CCSER2: variants seen among roughly 807,000 people sequenced by gnomAD.
The protein encoded by CCSER2 is serine-rich coiled-coil domain-containing protein 2.
In CCSER2, 46 loss-of-function variants were observed where a neutral mutation model predicts 92.3. The observed-to-expected ratio is 0.50, with a 90% confidence interval of 0.39 to 0.64. The LOEUF (loss-of-function observed/expected upper bound fraction) is 0.64. Among genes scored for constraint, CCSER2 ranks in the 30% least tolerant of loss-of-function variants. The pLI is 0.00. For missense variants in CCSER2, 1,244 were observed against 1,238.9 expected (o/e 1.00, Z -0.06); for synonymous variants, 433 against 431.4 (o/e 1.00, Z -0.04).
At chr10:84,446,048 T>C (rs1409586345) in intron 6 of CCSER2, among the ~76,000 whole-genome samples, 2 of 151,736 alleles carry the variant, frequency 1.3e-5, no homozygotes, top group African/African-American at 4.8e-5. Context: ...AAAGTAGTTA[T>C]ACCTACCCAC....
chr10:84,330,678 A>C (rs1035090435), intron 1 of CCSER2, among the ~76,000 whole-genome samples: 1 of 151,926 alleles, frequency 6.6e-6, no homozygotes, highest in African/African-American at 2.4e-5. Flanking sequence ...ACACCTGGCT[A>C]ATTTTTTTTT....
intron 1 of CCSER2, among the ~76,000 whole-genome samples, chr10:84,330,617 A>T (rs1445677750): frequency 6.6e-6 from 1 of 151,952 alleles, no homozygotes; most frequent in Non-Finnish European, 1.5e-5. Context: ...GGTTCATGCG[A>T]TTCTCTTGCC....
intron 1 of CCSER2, among the ~76,000 whole-genome samples, chr10:84,358,364 TACTG>T (rs1336080616): frequency 3.3e-5 from 5 of 152,154 alleles, no homozygotes; most frequent in Admixed American, 6.5e-5. Context: ...AACTGAGACT[TACTG>T]AGAGAGGAGG....
intron 9 of CCSER2, among the ~76,000 whole-genome samples, chr10:84,497,765 G>C (rs1316322565): frequency 6.6e-6 from 1 of 152,094 alleles, no homozygotes; most frequent in Non-Finnish European, 1.5e-5. Context: ...ATTATTTCAG[G>C]AATTAATGAT....
intron 1 of CCSER2, among the ~76,000 whole-genome samples, chr10:84,350,247 G>A (rs1174664903): frequency 1.3e-5 from 2 of 152,188 alleles, no homozygotes; most frequent in African/African-American, 4.8e-5. Context: ...TCTCTGCATA[G>A]CTTAACTCTT....
At chr10:84,473,707 T>A (rs1185005039) in intron 8 of CCSER2, among the ~76,000 whole-genome samples, 1 of 152,200 alleles carries the variant, frequency 6.6e-6, no homozygotes, top group African/African-American at 2.4e-5. Flanking sequence ...AAATTTTTTT[T>A]AACATCTCTA....
intron 9 of CCSER2, among the ~76,000 whole-genome samples, chr10:84,497,690 G>A (rs2131828220): frequency 6.6e-6 from 1 of 152,156 alleles, no homozygotes; most frequent in South Asian, 2.1e-4. Flanking sequence ...ATAGAAGGTG[G>A]GACATCTAAT....
chr10:84,335,631 A>G (rs1004087116), intron 1 of CCSER2, among the ~76,000 whole-genome samples: 1 of 152,054 alleles, frequency 6.6e-6, no homozygotes, highest in Non-Finnish European at 1.5e-5. Context: ...CCATGTCAAG[A>G]TTGCAAAACC....
chr10:84,453,090 A>G (rs1489413282), intron 6 of CCSER2, among the ~76,000 whole-genome samples: 1 of 152,198 alleles, frequency 6.6e-6, no homozygotes, highest in Non-Finnish European at 1.5e-5. Context: ...TTTGAAGCAT[A>G]TTAATAACTT....
chr10:84,499,276 C>T (rs1261745056), intron 9 of CCSER2, among the ~76,000 whole-genome samples: 1 of 152,094 alleles, frequency 6.6e-6, no homozygotes, highest in African/African-American at 2.4e-5. Flanking sequence ...ACTGGTTTTA[C>T]AGGTGGCTGC....
chr10:84,375,638 T>C (rs571895986), intron 3 of CCSER2, among the ~76,000 whole-genome samples: 2 of 151,628 alleles, frequency 1.3e-5, no homozygotes, highest in South Asian at 4.2e-4. Flanking sequence ...TTTCCAAATA[T>C]TAATATACCT....
chr10:84,506,796 A>AAAATAAATAAATAAATAAAT (rs144088295), intron 9 of CCSER2, among the ~76,000 whole-genome samples: 5,903 of 147,894 alleles, frequency 0.04, 138 homozygotes, highest in Non-Finnish European at 0.051. Flanking sequence ...CTCCATCTCA[A>AAAATAAATAAATAAATAAAT]AAATAAATAA....
chr10:84,407,611 GC>G (rs1842442306), intron 3 of CCSER2, among the ~76,000 whole-genome samples: 1 of 152,154 alleles, frequency 6.6e-6, no homozygotes, highest in South Asian at 2.1e-4. Flanking sequence ...CATGGATTCT[GC>G]AATAGCAACA....
At chr10:84,466,815 C>T (rs1041156948) in intron 7 of CCSER2, among the ~76,000 whole-genome samples, 6 of 151,992 alleles carry the variant, frequency 3.9e-5, no homozygotes, top group African/African-American at 1.2e-4. Flanking sequence ...GCCCGGCCTC[C>T]TTCTTGCCTT....
intron 3 of CCSER2, among the ~76,000 whole-genome samples, chr10:84,380,854 CA>C (rs1199421735): frequency 2.6e-5 from 4 of 152,066 alleles, no homozygotes; most frequent in African/African-American, 9.7e-5. Context: ...GCCACCACGC[CA>C]GGCTAATTTT....
chr10:84,505,460 C>G (rs1443544676), intron 9 of CCSER2, among the ~76,000 whole-genome samples: 1 of 152,094 alleles, frequency 6.6e-6, no homozygotes. Context: ...AAGGCTCAAT[C>G]TGATTGACTC....
At chr10:84,347,987 G>A (rs1042485075) in intron 1 of CCSER2, among the ~76,000 whole-genome samples, 5 of 152,200 alleles carry the variant, frequency 3.3e-5, no homozygotes, top group African/African-American at 9.7e-5. Context: ...CCGGGCAGAG[G>A]GGCTCCTTGT....
chr10:84,438,781 A>C (rs922407107), intron 6 of CCSER2, 74 bp downstream of exon 6: 8 of 885,016 alleles, frequency 9.0e-6, no homozygotes, highest in Non-Finnish European at 1.4e-5. Context: ...TTTTTTTAAA[A>C]AAATACTTAC....
At chr10:84,369,048 G>A (rs1294728446) in intron 1 of CCSER2, among the ~76,000 whole-genome samples, 1 of 151,486 alleles carries the variant, frequency 6.6e-6, no homozygotes, top group Non-Finnish European at 1.5e-5. Context: ...GTATTCCATG[G>A]TGTATTTTTT....
Sources: allele counts gnomAD v4.1 joint callset (sites outside exome capture counted in the v4.1 genomes callset), GRCh38; gene constraint gnomAD v4.1.1; transcripts MANE v1.5; gene names NCBI Gene and HGNC (gene_info 2026-07-23, HGNC 2026-07-21).